The following SYNPO2 variants were observed in gnomAD, a reference collection of about 807,000 sequenced individuals.
SYNPO2 encodes the protein synaptopodin 2, also known as synaptopodin-2.
SYNPO2 carries 56 observed loss-of-function variants against 85.0 expected under a neutral mutation model. That is an observed-to-expected ratio of 0.66 (90% CI 0.53 to 0.82). SYNPO2 has a LOEUF of 0.82. Among genes scored for constraint, SYNPO2 ranks in the 40% least tolerant of loss-of-function variants. SYNPO2 has a pLI of 0.00. For synonymous variants in SYNPO2, 602 were observed against 591.1 expected (o/e 1.02, Z -0.27); for missense variants, 1,575 against 1,534.2 (o/e 1.03, Z -0.44).
intron 1 of SYNPO2, among the ~76,000 whole-genome samples, chr4:118,958,582 C>T (rs1268382735): frequency 6.6e-6 from 1 of 151,856 alleles, no homozygotes; most frequent in Non-Finnish European, 1.5e-5. Context: ...AAGCACAACA[C>T]TGCAACCCCT....
intron 1 of SYNPO2, among the ~76,000 whole-genome samples, chr4:118,934,049 A>T (rs901317040): frequency 6.6e-6 from 1 of 152,150 alleles, no homozygotes; most frequent in African/African-American, 2.4e-5. Context: ...TTCAGAGATC[A>T]GTTTTAGCGA....
intron 1 of SYNPO2, among the ~76,000 whole-genome samples, chr4:118,967,017 G>A (rs1735339890): frequency 6.6e-6 from 1 of 152,050 alleles, no homozygotes; most frequent in Admixed American, 6.5e-5. Flanking sequence ...AACCATTATT[G>A]AGCATAATGG....
At chr4:118,919,394 C>T (rs149825164) in intron 1 of SYNPO2, among the ~76,000 whole-genome samples, 2 of 124,416 alleles carry the variant, frequency 1.6e-5, no homozygotes, top group East Asian at 2.8e-4. Flanking sequence ...TTTTGCATAC[C>T]GAAGTAATTG....
chr4:119,031,277 A>G lies in SYNPO2; in HGVS notation c.2502A>G (p.Ala834=), dbSNP rs772712106. The G allele has an allele frequency of 6.8e-6, 11 of 1,614,190 alleles. No homozygotes were observed. In the Admixed American group the frequency reaches 1.5e-4, roughly 22 times the overall value. The change falls in exon 4 of 5, where the codon GCA becomes GCG. Residue 834 remains alanine, a synonymous_variant. Coordinates refer to ENST00000307142, the MANE Select transcript of SYNPO2 (RefSeq NM_133477.3). ...VAGPFKGPQA[A]VASQNYTPKP... is the part of the protein sequence containing the mutation. ...GTCCCTTCAAAGGACCACAAGCAGC[A>G]GTAGCCAGTCAGAATTACACACCCA...
chr4:118,892,647 A>G (rs1478111529), intron 1 of SYNPO2, among the ~76,000 whole-genome samples: 1 of 152,164 alleles, frequency 6.6e-6, no homozygotes, highest in Non-Finnish European at 1.5e-5. Context: ...CAATTGAAAA[A>G]TTACTCACAT....
intron 1 of SYNPO2, among the ~76,000 whole-genome samples, chr4:118,959,894 G>T (rs1339109379): frequency 1.3e-5 from 2 of 152,182 alleles, no homozygotes; most frequent in Non-Finnish European, 2.9e-5. Context: ...GAACCTGTGA[G>T]TGTTATTTTA....
At chr4:118,916,056 G>A (rs746395105) in intron 1 of SYNPO2, among the ~76,000 whole-genome samples, 4 of 151,606 alleles carry the variant, frequency 2.6e-5, no homozygotes, top group Non-Finnish European at 4.4e-5. Context: ...TTCATATTAC[G>A]CTTTGTTCAT....
intron 1 of SYNPO2, among the ~76,000 whole-genome samples, chr4:118,987,036 G>A (rs1256318392): frequency 6.6e-6 from 1 of 152,152 alleles, no homozygotes; most frequent in East Asian, 1.9e-4. Flanking sequence ...CTAAGTCAAA[G>A]TTTTCTTTAA....
chr4:118,899,814 C>T (rs1211303257), intron 1 of SYNPO2, among the ~76,000 whole-genome samples: 6 of 152,084 alleles, frequency 3.9e-5, no homozygotes, highest in African/African-American at 7.2e-5. Context: ...CAACCTGGAG[C>T]GCAATGGTGC....
rs990239067 is a variant in SYNPO2, at chr4:118,977,743, A to G, written c.106-45687A>G. 3.9e-5 allele frequency among the ~76,000 whole-genome samples: 6 copies of G among 152,352 alleles called. No individual in the cohort carries two copies. The South Asian group carries it at 1.0e-3, about 26-fold the overall frequency. On this transcript the variant is annotated intron_variant, in intron 1 of 4. Transcript: ENST00000307142. ...GTCTGTGGAGCATCAACTCTGCCCT[A>G]TAGAAATTTCTGCATTATGTAGGCC...
At chr4:119,028,157 T>A (rs1005865739) in intron 3 of SYNPO2, among the ~76,000 whole-genome samples, 1 of 152,038 alleles carries the variant, frequency 6.6e-6, no homozygotes, top group East Asian at 1.9e-4. Context: ...GAAAGGAGAA[T>A]TGGGATAAGA....
At position 119,057,931 on chromosome 4, in the gene SYNPO2, A is replaced by G. The variant is rs150153431; in HGVS notation, c.3783A>G (p.Thr1261=). The part of the protein sequence containing the change: ...NPHPRGWRRQ[T] ...ACCCAAGGGGATGGAGACGCCAAAC[A>G]TGAAAGTTAGAAGAACGGATCATGT... Residue 1261 remains threonine, a synonymous_variant, in exon 5 of 5, where the codon ACA becomes ACG. Transcript: ENST00000307142. The G allele has an allele frequency of 6.2e-6, 10 of 1,608,634 alleles. No individual in the cohort carries two copies. The Admixed American group carries it at 1.7e-4, about 27-fold the overall frequency.
intron 1 of SYNPO2, among the ~76,000 whole-genome samples, chr4:118,948,312 A>G (rs1734574812): frequency 6.6e-6 from 1 of 152,218 alleles, no homozygotes; most frequent in East Asian, 1.9e-4. Flanking sequence ...TTCTTAAGGA[A>G]GAAAAGAAGC....
intron 1 of SYNPO2, among the ~76,000 whole-genome samples, chr4:118,988,943 C>T (rs1736315696): frequency 6.6e-6 from 1 of 152,178 alleles, no homozygotes; most frequent in Non-Finnish European, 1.5e-5. Context: ...GAAGAACACT[C>T]AACTGGTACT....
intron 1 of SYNPO2, among the ~76,000 whole-genome samples, chr4:119,003,239 A>G (rs1012822069): frequency 1.4e-4 from 21 of 152,188 alleles, no homozygotes; most frequent in Non-Finnish European, 2.9e-4. Context: ...GGAAGCAAGC[A>G]CTTACTTCAC....
At chr4:119,035,940 G>T in intron 4 of SYNPO2, 4 of 985,390 alleles carry the variant, frequency 4.1e-6, no homozygotes, top group Non-Finnish European at 4.8e-6. Flanking sequence ...CTGCTAAGAG[G>T]CATGTCGAAC....
chr4:118,997,073 T>A (rs895434696), intron 1 of SYNPO2, among the ~76,000 whole-genome samples: 1 of 150,588 alleles, frequency 6.6e-6, no homozygotes, highest in Admixed American at 6.6e-5. Context: ...ACCCCGTCTG[T>A]ACTAAAAATA....
chr4:119,003,186 G>A (rs183148578), intron 1 of SYNPO2, among the ~76,000 whole-genome samples: 4 of 152,124 alleles, frequency 2.6e-5, no homozygotes, highest in Non-Finnish European at 5.9e-5. Context: ...CCTTATGGCT[G>A]GGGAGGCCTC....
intron 1 of SYNPO2, among the ~76,000 whole-genome samples, chr4:119,008,637 A>C (rs188688568): frequency 6.6e-6 from 1 of 152,294 alleles, no homozygotes; most frequent in African/African-American, 2.4e-5. Flanking sequence ...ACTCAACATT[A>C]CTTACATTTT....
Sources: gnomAD v4.1 joint callset for allele counts (sites outside exome capture counted in the v4.1 genomes callset) on GRCh38, gnomAD v4.1.1 for gene constraint, MANE v1.5 for transcripts, NCBI Gene and HGNC (gene_info 2026-07-23, HGNC 2026-07-21) for gene names.